The following PCYT1B variants were observed in gnomAD, a reference collection of about 807,000 sequenced individuals.
PCYT1B encodes choline-phosphate cytidylyltransferase B.
Under a neutral mutation model 26.4 loss-of-function variants are expected in PCYT1B, and 10 were observed. That is an observed-to-expected ratio of 0.38 (90% CI 0.23 to 0.64). The LOEUF (loss-of-function observed/expected upper bound fraction) is 0.64, where lower values mean the gene tolerates loss of function less well. Ranked by LOEUF, PCYT1B falls within the 30% of genes least tolerant of loss-of-function variation. The probability of loss-of-function intolerance (pLI) is 0.56; values close to 1 mark genes in which losing one functional copy is unlikely to be tolerated. For missense variants in PCYT1B, 161 were observed against 292.7 expected (o/e 0.55, Z 3.28); for synonymous variants, 131 against 108.4 (o/e 1.21, Z -1.29).
At chrX:24,635,038 T>C (rs1206745803) in intron 1 of PCYT1B, among the ~76,000 whole-genome samples, 1 of 112,240 alleles carries the variant, frequency 8.9e-6, no homozygotes, top group East Asian at 2.8e-4. Context: ...ATGAAGTTAT[T>C]GTAATTAACA....
At chrX:24,641,487 C>T (rs1926463389) in intron 1 of PCYT1B, among the ~76,000 whole-genome samples, 1 of 112,130 alleles carries the variant, frequency 8.9e-6, no homozygotes, top group African/African-American at 3.2e-5. Flanking sequence ...TTAGTTATGA[C>T]TACATATATG....
chrX:24,668,453 G>C (rs775765054), intron 1 of PCYT1B, among the ~76,000 whole-genome samples: 1 of 111,362 alleles, frequency 9.0e-6, no homozygotes, highest in South Asian at 3.8e-4. Context: ...TAGAAAATCG[G>C]AGTCCACTTC....
At chrX:24,575,056 T>C in intron 7 of PCYT1B, 74 bp downstream of exon 7, 2 of 888,069 alleles carry the variant, frequency 2.3e-6, no homozygotes, top group Non-Finnish European at 3.1e-6. Context: ...AGGGGCACCC[T>C]TGAGTGGCTC....
chrX:24,596,020 AG>A (rs1386665653), intron 3 of PCYT1B, among the ~76,000 whole-genome samples: 4 of 112,426 alleles, frequency 3.6e-5, no homozygotes, highest in African/African-American at 1.3e-4. Flanking sequence ...CTTCTATAGT[AG>A]TAGTAGTATG....
chrX:24,585,747 T>G lies in PCYT1B; in HGVS notation c.565+1494A>C, dbSNP rs1924351461. Among the ~76,000 whole-genome samples the G allele has an allele frequency of 2.7e-5, 3 of 111,586 alleles. No homozygotes were observed. The Admixed American group carries it at 2.9e-4, about 11-fold the overall frequency. ...ACTCTACACAGTCTAAGTACAAACC[T>G]AGAAGAGTCTGAATGATTTCACATG... On this transcript the variant is annotated intron_variant, in intron 5 of 7. Coordinates refer to ENST00000379144, the MANE Select transcript of PCYT1B (RefSeq NM_004845.5).
intron 7 of PCYT1B, among the ~76,000 whole-genome samples, chrX:24,565,894 TC>T (rs1180292976): frequency 1.8e-5 from 2 of 109,126 alleles, no homozygotes; most frequent in Non-Finnish European, 3.8e-5. Flanking sequence ...AGCTTATAAA[TC>T]AAAAAGAAGA....
chrX:24,620,519 T>C (rs189613999), intron 1 of PCYT1B, among the ~76,000 whole-genome samples: 7 of 112,426 alleles, frequency 6.2e-5, no homozygotes, highest in African/African-American at 2.3e-4. Flanking sequence ...AGATACATTA[T>C]GGCGACCTCA....
At chrX:24,648,433 G>T (rs897557934), upstream of PCYT1B, among the ~76,000 whole-genome samples, 15 of 95,477 alleles carry the variant, frequency 1.6e-4, no homozygotes, top group Non-Finnish European at 3.0e-4. Flanking sequence ...AAATAATGCA[G>T]CTGGGATTTG....
chrX:24,644,449 T>TACACACACAC (rs201474505), intron 1 of PCYT1B, among the ~76,000 whole-genome samples: 147 of 95,353 alleles, frequency 1.5e-3, no homozygotes, highest in African/African-American at 2.8e-3. Flanking sequence ...ATGTGCATGA[T>TACACACACAC]ACACACACAC....
intron 4 of PCYT1B, among the ~76,000 whole-genome samples, chrX:24,589,152 A>G (rs1053034750): frequency 2.7e-5 from 3 of 111,812 alleles, no homozygotes; most frequent in Non-Finnish European, 5.6e-5. Context: ...TGTGGTAGTG[A>G]TTACTGGAAG....
intron 2 of PCYT1B, among the ~76,000 whole-genome samples, chrX:24,615,707 G>A (rs911690912): frequency 1.8e-5 from 2 of 111,247 alleles, no homozygotes; most frequent in African/African-American, 6.5e-5. Flanking sequence ...CAGGTGACCC[G>A]CCTGCCTCCA....
At chrX:24,645,585 G>A (rs1483370751) in intron 1 of PCYT1B, among the ~76,000 whole-genome samples, 1 of 111,027 alleles carries the variant, frequency 9.0e-6, no homozygotes, top group African/African-American at 3.3e-5. Context: ...TATGCTTTTA[G>A]TGGTCATTTT....
At chrX:24,624,182 G>A (rs1925808916) in intron 1 of PCYT1B, among the ~76,000 whole-genome samples, 2 of 109,874 alleles carry the variant, frequency 1.8e-5, no homozygotes, top group Admixed American at 9.7e-5. Flanking sequence ...TGTTAACCAG[G>A]ATGGTCTTGA....
intron 2 of PCYT1B, among the ~76,000 whole-genome samples, chrX:24,618,152 T>A (rs1010198229): frequency 4.5e-5 from 5 of 111,751 alleles, no homozygotes; most frequent in African/African-American, 1.3e-4. Flanking sequence ...TCCCTATCCA[T>A]CCTCTGGCAT....
At chrX:24,570,189 GAAAAAAAA>G (rs1176471313) in intron 7 of PCYT1B, among the ~76,000 whole-genome samples, 3 of 31,696 alleles carry the variant, frequency 9.5e-5, no homozygotes, top group Non-Finnish European at 1.8e-4. Flanking sequence ...CTCAGTCTCA[GAAAAAAAA>G]AAAAAAAAAA....
At chrX:24,573,606 T>C (rs1018862523) in intron 7 of PCYT1B, among the ~76,000 whole-genome samples, 7 of 111,346 alleles carry the variant, frequency 6.3e-5, no homozygotes, top group Non-Finnish European at 1.3e-4. Flanking sequence ...GCCTGGAAAT[T>C]AGTTGTGAAA....
chrX:24,605,899 CA>C (rs1196725364), intron 3 of PCYT1B, among the ~76,000 whole-genome samples: 5 of 108,654 alleles, frequency 4.6e-5, no homozygotes, highest in African/African-American at 1.7e-4. Context: ...ACTAAAAATA[CA>C]AAAATTAGCC....
At chrX:24,637,491 A>ATAT (rs1555963532) in intron 1 of PCYT1B, among the ~76,000 whole-genome samples, 1 of 52,894 alleles carries the variant, frequency 1.9e-5, no homozygotes, top group Non-Finnish European at 2.9e-5. Context: ...AAAAAAAAAA[A>ATAT]ATATATATAT....
At chrX:24,670,103 A>AGAAG (rs1569261882) in intron 1 of PCYT1B, among the ~76,000 whole-genome samples, 6 of 76,912 alleles carry the variant, frequency 7.8e-5, no homozygotes, top group Non-Finnish European at 1.5e-4. Context: ...AAAGAAAGAA[A>AGAAG]GAAAGAAAGA....
Sources: allele counts gnomAD v4.1 joint callset (sites outside exome capture counted in the v4.1 genomes callset), GRCh38; gene constraint gnomAD v4.1.1; transcripts MANE v1.5; gene names NCBI Gene and HGNC (gene_info 2026-07-23, HGNC 2026-07-21).